The following CDKN2A variants were observed in gnomAD, a reference collection of about 807,000 sequenced individuals.
CDKN2A encodes cyclin dependent kinase inhibitor 2A.
CDKN2A carries 3 observed loss-of-function variants against 11.1 expected under a neutral mutation model. That is an observed-to-expected ratio of 0.27 (90% confidence interval 0.12 to 0.70). The LOEUF is 0.70. Ranked by LOEUF, CDKN2A falls within the 30% of genes least tolerant of loss-of-function variation. The pLI is 0.77. For synonymous variants in CDKN2A, 122 were observed against 108.1 expected (o/e 1.13, Z -0.80); for missense variants, 265 against 233.6 (o/e 1.13, Z -0.88).
rs116150891 is a variant in CDKN2A, at chr9:21,970,929, G to A, written c.430C>T (p.Arg144Cys). ...GAGGGACCTTCCGCGGCATCTATGC[G>A]GGCATGGTTACTGCCTCTGGTGCCC... ...AGGTRGSNHA[R>C]IDAAEGPSDI... The change falls in exon 2 of 3, where the codon CGC (arginine) becomes TGC (cysteine). Residue 144 changes from arginine (R) to cysteine (C), a missense_variant. Arg to Cys is a radical substitution (Grantham distance 180). Coordinates refer to ENST00000304494, the MANE Select transcript of CDKN2A (RefSeq NM_000077.5). 4.7e-4 allele frequency: 763 copies of A among 1,612,398 alleles called. 2 individuals carry two copies. The African/African-American group carries it at 8.7e-3, about 18-fold the overall frequency.
At chr9:21,970,414 G>T (rs1819650681) in intron 2 of CDKN2A, 2 of 323,494 alleles carry the variant, frequency 6.2e-6, no homozygotes, top group South Asian at 1.1e-4. Context: ...GGTCAGATTA[G>T]TTGAGTTGTG....
rs1159833681 is a variant in CDKN2A, at chr9:21,988,002, T to C, written c.-4+5880A>G. ...AAAGGCAGCCCAGGTAATAATGCTG[T>C]TGTTAACCTTTGCCATACTTTTAAA... On this transcript the variant is annotated intron_variant, in intron 2 of 3. Transcript: ENST00000494262. This position sits in a 1 kb window ranked among gnomAD's most constrained non-coding sequence, Gnocchi z 4.1. Among the ~76,000 whole-genome samples, 1 of 152,196 alleles carries C rather than the reference T, an allele frequency of 6.6e-6. No homozygotes were observed. The highest frequency in any genetic ancestry group is 1.9e-4 in the East Asian group (1 of 5,204).
chr9:21,994,174 T>G (rs772048734), intron 1 of CDKN2A: 2 of 1,604,406 alleles, frequency 1.2e-6, no homozygotes, highest in Non-Finnish European at 8.5e-7. Context: ...CCCTAGACGC[T>G]GGCTCCTCAG....
In CDKN2A at chr9:21,982,000, C is replaced by G. The variant is rs117811980; in HGVS notation, c.-3-10792G>C. ...TTCAAAACATTGGATGTTTCTTTCT[C>G]CCTTTTACTATTCTCTATTTAATTA... On this transcript the variant is annotated intron_variant, in intron 2 of 3. Transcript: ENST00000494262. Among the ~76,000 whole-genome samples, 74 of 152,212 alleles carry G rather than the reference C, an allele frequency of 4.9e-4. No individual in the cohort carries two copies. In the East Asian group the frequency reaches 0.013, roughly 27 times the overall value.
At chr9:21,985,689 G>A (rs552478555) in intron 2 of CDKN2A, among the ~76,000 whole-genome samples, 3 of 151,926 alleles carry the variant, frequency 2.0e-5, no homozygotes, top group South Asian at 4.2e-4. Context: ...CACAAACACT[G>A]CTTAATATCT....
At chr9:21,970,096 C>T (rs1048561817) in intron 2 of CDKN2A, 2 of 282,546 alleles carry the variant, frequency 7.1e-6, no homozygotes, top group Non-Finnish European at 1.3e-5. Context: ...TGTTCCTCCC[C>T]CCAGAAACAA....
chr9:21,971,342 TCC>T, intron 1 of CDKN2A, 134 bp from the exon 2 acceptor site: 1 of 1,505,926 alleles, frequency 6.6e-7, no homozygotes. Context: ...TACATTTGCT[TCC>T]AGTTTCCAAT....
At chr9:21,983,807 T>C in intron 2 of CDKN2A, among the ~76,000 whole-genome samples, 1 of 152,028 alleles carries the variant, frequency 6.6e-6, no homozygotes, top group South Asian at 2.1e-4. Context: ...AACCATATCC[T>C]TAATCATAAT....
intron 2 of CDKN2A, among the ~76,000 whole-genome samples, chr9:21,987,512 C>T (rs180775278): frequency 7.3e-5 from 11 of 150,628 alleles, no homozygotes; most frequent in Non-Finnish European, 1.5e-4. Context: ...AAAAAGACAA[C>T]GTATCTTATA....
At chr9:21,987,446 G>C (rs185396280) in intron 2 of CDKN2A, among the ~76,000 whole-genome samples, 80,222 of 123,636 alleles carry the variant, frequency 0.65, 25,204 homozygotes, top group South Asian at 0.78. Flanking sequence ...GAGAGAGAGA[G>C]AGAGAGAGAG....
chr9:21,980,828 G>A (rs1208555496), intron 2 of CDKN2A, among the ~76,000 whole-genome samples: 4 of 149,954 alleles, frequency 2.7e-5, no homozygotes, highest in Non-Finnish European at 4.4e-5. Context: ...GCGAGGTGGC[G>A]GGCACCTGTA....
intron 2 of CDKN2A, chr9:21,989,855 G>C (rs1194169996): frequency 6.6e-6 from 1 of 152,250 alleles, no homozygotes; most frequent in Non-Finnish European, 1.5e-5. Context: ...CGCTCCTGCG[G>C]AAAGTGCGCG....
chr9:21,990,665 T>C (rs1820412494), intron 2 of CDKN2A, among the ~76,000 whole-genome samples: 1 of 47,932 alleles, frequency 2.1e-5, no homozygotes, highest in South Asian at 9.7e-4. Context: ...TGTTTACTGT[T>C]TGGAATCTTG....
chr9:21,975,758 T>C (rs1000370747), upstream of CDKN2A, among the ~76,000 whole-genome samples: 1 of 152,316 alleles, frequency 6.6e-6, no homozygotes, highest in Non-Finnish European at 1.5e-5. Flanking sequence ...ATTCTCAAAG[T>C]CATAATTCCT....
At chr9:21,982,125 T>C (rs1253267373) in intron 2 of CDKN2A, among the ~76,000 whole-genome samples, 2 of 152,214 alleles carry the variant, frequency 1.3e-5, no homozygotes, top group Non-Finnish European at 2.9e-5. Context: ...GTAAAATTTA[T>C]CTTCCTACTC....
At chr9:21,971,236 C>G (rs2131097103) in intron 1 of CDKN2A, 28 bp from the exon 2 acceptor site, 1 of 1,590,318 alleles carries the variant, frequency 6.3e-7, no homozygotes. Flanking sequence ...ATGGTCAGAG[C>G]CAGGGTGGGG....
intron 2 of CDKN2A, among the ~76,000 whole-genome samples, chr9:21,984,061 T>G (rs1488511896): frequency 1.3e-5 from 2 of 151,996 alleles, no homozygotes; most frequent in Non-Finnish European, 2.9e-5. Context: ...GCTTTTTAAT[T>G]TTTTGAGAAT....
At chr9:21,982,893 TTAAG>T (rs1820226320) in intron 2 of CDKN2A, among the ~76,000 whole-genome samples, 1 of 151,968 alleles carries the variant, frequency 6.6e-6, no homozygotes, top group Admixed American at 6.6e-5. Flanking sequence ...CTCAGAGTGC[TTAAG>T]TAATAAGGAA....
chr9:21,985,770 A>G (rs1028762727), intron 2 of CDKN2A, among the ~76,000 whole-genome samples: 2 of 152,038 alleles, frequency 1.3e-5, no homozygotes, highest in African/African-American at 4.8e-5. Context: ...TCTTCTGTAC[A>G]GATGTGAATT....
Sources: gnomAD v4.1 joint callset for allele counts (sites outside exome capture counted in the v4.1 genomes callset) on GRCh38, gnomAD v4.1.1 for gene constraint, Gnocchi (gnomAD v3.1) non-coding constraint, MANE v1.5 for transcripts, NCBI Gene and HGNC (gene_info 2026-07-23, HGNC 2026-07-21) for gene names.